Variants in NDST4 observed in about 807,000 individuals in gnomAD.
The protein encoded by NDST4 is N-deacetylase and N-sulfotransferase 4, also known as N-heparan sulfate sulfotransferase 4.
A neutral mutation model predicts 100.8 loss-of-function variants in NDST4; 63 were observed. The observed-to-expected ratio is 0.62, with a 90% CI of 0.51 to 0.77. The LOEUF (loss-of-function observed/expected upper bound fraction) is 0.77, where lower values mean the gene tolerates loss of function less well. NDST4 is among the 30% of genes least tolerant of loss of function. The pLI, the probability that NDST4 is intolerant of heterozygous loss-of-function variation, is 0.00. For missense variants in NDST4, 943 were observed against 1,018.4 expected (o/e 0.93, Z 1.01); for synonymous variants, 377 against 361.8 (o/e 1.04, Z -0.48).
chr4:114,902,373 C>CT lies in NDST4; in HGVS notation c.1537-31424dup, dbSNP rs552205352. On this transcript the variant is annotated intron_variant, in intron 6 of 13. Coordinates refer to ENST00000264363, the MANE Select transcript of NDST4 (RefSeq NM_022569.3). ...CACAGTACAGAATTATAGGTTGGTG[C>CT]TTTTTGTCTGAACATTTTAGATATT... is the stretch of plus-strand genomic sequence containing the variant. Among the ~76,000 whole-genome samples, 169 of 152,062 alleles carry CT rather than the reference C, an allele frequency of 1.1e-3. 2 individuals are homozygous for CT. In the South Asian group the frequency reaches 0.034, roughly 31 times the overall value.
At chr4:115,012,635 T>TC (rs1309264222) in intron 2 of NDST4, among the ~76,000 whole-genome samples, 1 of 152,002 alleles carries the variant, frequency 6.6e-6, no homozygotes, top group African/African-American at 2.4e-5. Flanking sequence ...ATTTGGAGGT[T>TC]CCCCAAAAAA....
intron 10 of NDST4, among the ~76,000 whole-genome samples, chr4:114,839,849 T>C (rs918550407): frequency 1.3e-5 from 2 of 152,264 alleles, no homozygotes; most frequent in Non-Finnish European, 2.9e-5. Context: ...AAACTTGTAG[T>C]TATATTTATG....
intron 10 of NDST4, among the ~76,000 whole-genome samples, chr4:114,841,595 A>C (rs1384414807): frequency 6.6e-6 from 1 of 152,202 alleles, no homozygotes; most frequent in East Asian, 1.9e-4. Flanking sequence ...GATTCACTTA[A>C]ATCTGCTCTA....
chr4:115,111,386 G>A (rs193237270), intron 1 of NDST4, among the ~76,000 whole-genome samples: 3 of 151,674 alleles, frequency 2.0e-5, no homozygotes, highest in Admixed American at 2.0e-4. Flanking sequence ...ATAAGCATGA[G>A]CATATGTTTC....
intron 7 of NDST4, among the ~76,000 whole-genome samples, chr4:114,869,136 T>C (rs530619561): frequency 4.9e-4 from 74 of 151,590 alleles, no homozygotes; most frequent in Non-Finnish European, 9.0e-4. Context: ...AGCTGGCATA[T>C]CTTTGATTAT....
intron 6 of NDST4, among the ~76,000 whole-genome samples, chr4:114,920,929 C>G (rs1346534314): frequency 6.6e-6 from 1 of 152,114 alleles, no homozygotes; most frequent in African/African-American, 2.4e-5. Context: ...TCTCAGCCCT[C>G]TAAATTATCT....
At position 115,104,765 on chromosome 4, in the gene NDST4, GA is replaced by G. The variant is rs572225778; in HGVS notation, c.-247+8678del. Among the ~76,000 whole-genome samples the G allele has an allele frequency of 5.3e-5, 8 of 152,066 alleles. No individual in the cohort carries two copies. In the East Asian group the frequency reaches 1.4e-3, roughly 26 times the overall value. On this transcript the variant is annotated intron_variant, in intron 1 of 13. Coordinates refer to ENST00000264363, the MANE Select transcript of NDST4 (RefSeq NM_022569.3). Reference sequence around the variant, plus strand: ...GATCAACAATACAGTAGAGACAGTAGAAAAAGGTGACTTAGATCATTATCTC... The same window carrying G: ...GATCAACAATACAGTAGAGACAGTAGAAAAGGTGACTTAGATCATTATCTC...
chr4:114,977,036 T>C (rs1303440209), intron 3 of NDST4, 151 bp downstream of exon 3: 4 of 599,892 alleles, frequency 6.7e-6, no homozygotes, highest in Non-Finnish European at 1.2e-5. Flanking sequence ...AAGGTAAATA[T>C]GCTCATTGAT....
At chr4:114,964,736 C>T (rs758041260) in intron 4 of NDST4, among the ~76,000 whole-genome samples, 30 of 152,270 alleles carry the variant, frequency 2.0e-4, no homozygotes, top group Non-Finnish European at 3.8e-4. Flanking sequence ...CTTAATGCCC[C>T]TTGATTATTA....
At chr4:114,875,895 G>T (rs1256192802) in intron 6 of NDST4, among the ~76,000 whole-genome samples, 1 of 152,142 alleles carries the variant, frequency 6.6e-6, no homozygotes, top group Non-Finnish European at 1.5e-5. Flanking sequence ...TAAACTGTAT[G>T]ATCATGAATA....
chr4:114,937,271 C>T, intron 5 of NDST4, 47 bp downstream of exon 5: 1 of 1,595,486 alleles, frequency 6.3e-7, no homozygotes, highest in Non-Finnish European at 8.6e-7. Context: ...CTTCATTCCA[C>T]ATGTAAATAT....
intron 6 of NDST4, among the ~76,000 whole-genome samples, chr4:114,887,719 T>G (rs1724509017): frequency 6.6e-6 from 1 of 152,204 alleles, no homozygotes; most frequent in Non-Finnish European, 1.5e-5. Context: ...CTGGAGCACA[T>G]TCAATTTATT....
At chr4:115,067,840 C>T (rs182939622) in intron 2 of NDST4, among the ~76,000 whole-genome samples, 146 of 151,546 alleles carry the variant, frequency 9.6e-4, no homozygotes, top group African/African-American at 3.4e-3. Flanking sequence ...GTGTGCTGCA[C>T]CCATTAACTC....
chr4:115,089,936 C>A (rs545311204), intron 1 of NDST4, among the ~76,000 whole-genome samples: 3 of 151,716 alleles, frequency 2.0e-5, no homozygotes, highest in Admixed American at 1.3e-4. Context: ...TATGTCCCCA[C>A]AGAATTTATC....
At chr4:115,039,273 A>T (rs546103547) in intron 2 of NDST4, among the ~76,000 whole-genome samples, 173 of 152,268 alleles carry the variant, frequency 1.1e-3, no homozygotes, top group Middle Eastern at 3.4e-3. Flanking sequence ...CCCACTGGAA[A>T]TCATTGCACA....
intron 6 of NDST4, among the ~76,000 whole-genome samples, chr4:114,884,958 T>A (rs1295409957): frequency 6.6e-6 from 1 of 152,134 alleles, no homozygotes; most frequent in Non-Finnish European, 1.5e-5. Context: ...GTTTTGCAGT[T>A]TATACATAAG....
intron 2 of NDST4, among the ~76,000 whole-genome samples, chr4:115,059,280 A>G (rs533554745): frequency 3.3e-5 from 5 of 152,178 alleles, no homozygotes; most frequent in African/African-American, 1.2e-4. Flanking sequence ...AATGAACAAT[A>G]CAATCTAATG....
At chr4:114,957,027 C>T (rs943521867) in intron 4 of NDST4, among the ~76,000 whole-genome samples, 1 of 152,088 alleles carries the variant, frequency 6.6e-6, no homozygotes, top group Non-Finnish European at 1.5e-5. Context: ...CTAAAGCAAA[C>T]TAGGCCTGAA....
intron 2 of NDST4, among the ~76,000 whole-genome samples, chr4:115,004,025 T>G (rs1166894790): frequency 1.3e-5 from 2 of 152,174 alleles, no homozygotes; most frequent in African/African-American, 2.4e-5. Flanking sequence ...GGACATTCCA[T>G]TCTACCAAGA....
Sources: gnomAD v4.1 joint callset for allele counts (sites outside exome capture counted in the v4.1 genomes callset) on GRCh38, gnomAD v4.1.1 for gene constraint, MANE v1.5 for transcripts, NCBI Gene and HGNC (gene_info 2026-07-23, HGNC 2026-07-21) for gene names.